Variants in NALCN observed in about 807,000 individuals in gnomAD.
NALCN encodes sodium leak channel NALCN.
In NALCN, 111 loss-of-function variants were observed where a neutral mutation model predicts 225.3. That is an observed-to-expected ratio of 0.49 (90% CI 0.42 to 0.58). The LOEUF (loss-of-function observed/expected upper bound fraction) is 0.58, where lower values mean the gene tolerates loss of function less well. Ranked by LOEUF, NALCN falls within the 20% of genes least tolerant of loss-of-function variation. The pLI, the probability that NALCN is intolerant of heterozygous loss-of-function variation, is 0.00. For synonymous variants in NALCN, 764 were observed against 769.0 expected (o/e 0.99, Z 0.11); for missense variants, 1,378 against 2,202.4 (o/e 0.63, Z 7.49).
At chr13:101,204,819 T>C (rs550295589) in intron 13 of NALCN, among the ~76,000 whole-genome samples, 11 of 152,252 alleles carry the variant, frequency 7.2e-5, no homozygotes, top group African/African-American at 2.6e-4. Flanking sequence ...GCAGCTAAGA[T>C]GAAATGATAT....
intron 13 of NALCN, among the ~76,000 whole-genome samples, chr13:101,224,832 C>T (rs1304437155): frequency 6.6e-6 from 1 of 152,152 alleles, no homozygotes; most frequent in Non-Finnish European, 1.5e-5. Context: ...CCTTTTACAA[C>T]AAGCCTCACT....
intron 6 of NALCN, among the ~76,000 whole-genome samples, chr13:101,346,527 C>T (rs1037724815): frequency 6.6e-6 from 1 of 151,986 alleles, no homozygotes; most frequent in Admixed American, 6.6e-5. Flanking sequence ...TAGAAATAAC[C>T]AGACAAATAA....
chr13:101,330,899 C>G (rs529199333), intron 7 of NALCN, among the ~76,000 whole-genome samples: 93 of 152,316 alleles, frequency 6.1e-4, no homozygotes, highest in African/African-American at 2.1e-3. Flanking sequence ...GTAAGACATA[C>G]CTTTACTTCT....
intron 42 of NALCN, 102 bp downstream of exon 42, chr13:101,059,716 C>T: frequency 9.4e-6 from 9 of 959,806 alleles, no homozygotes; most frequent in South Asian, 2.8e-5. Context: ...GAAATATTGT[C>T]ACCTTGTTTG....
chr13:101,382,740 T>C (rs1186988885), intron 3 of NALCN, among the ~76,000 whole-genome samples: 1 of 152,200 alleles, frequency 6.6e-6, no homozygotes, highest in African/African-American at 2.4e-5. Context: ...TTAGCAAAAA[T>C]TCTACCATGT....
At chr13:101,401,775 G>A (rs1050960997) in intron 1 of NALCN, among the ~76,000 whole-genome samples, 3 of 152,116 alleles carry the variant, frequency 2.0e-5, no homozygotes, top group African/African-American at 7.2e-5. Flanking sequence ...CAGTGCCCAA[G>A]AAATGATCTA....
chr13:101,144,425 T>C (rs2037243046), intron 16 of NALCN, among the ~76,000 whole-genome samples: 2 of 152,210 alleles, frequency 1.3e-5, no homozygotes, highest in Admixed American at 1.3e-4. Context: ...GAGATTGATG[T>C]CTACCTGCCA....
chr13:101,153,203 C>A (rs778356869), intron 15 of NALCN, among the ~76,000 whole-genome samples: 6 of 152,170 alleles, frequency 3.9e-5, no homozygotes, highest in Non-Finnish European at 7.4e-5. Flanking sequence ...AAATGAGGAT[C>A]TTTAGTCTTT....
At chr13:101,284,046 C>A in intron 9 of NALCN, 27 bp from the exon 10 acceptor site, 2 of 1,597,470 alleles carry the variant, frequency 1.3e-6, no homozygotes, top group South Asian at 2.2e-5. Flanking sequence ...GGAGATGAGT[C>A]AGAGACATTT....
intron 17 of NALCN, among the ~76,000 whole-genome samples, chr13:101,137,329 C>T (rs957969783): frequency 1.6e-4 from 24 of 152,042 alleles, no homozygotes; most frequent in Non-Finnish European, 3.1e-4. Flanking sequence ...AGACCAAAAG[C>T]CCTAAAAATG....
At chr13:101,124,818 TC>T (rs1183947292) in intron 17 of NALCN, 137 bp from the exon 18 acceptor site, 4 of 818,670 alleles carry the variant, frequency 4.9e-6, no homozygotes, top group Non-Finnish European at 7.7e-6. Flanking sequence ...AATTGACAAT[TC>T]TTGTCTATTT....
Position 101,124,645 on chromosome 13 carries a change from G to A in NALCN, c.2155C>T (p.Leu719Phe), listed in dbSNP as rs369811330. ...KSVFSIRARN[L>F]LEKETAVTKI... ...GTGACTGCGGTCTCCTTTTCCAGAA[G>A]GTTCCTTGCCCTGATGCTGAAAACA... Residue 719 changes from leucine (L) to phenylalanine (F), a missense_variant, in exon 18 of 44, where the codon CTT becomes TTT. Transcript: ENST00000251127. 1.9e-6 allele frequency: 3 copies of A among 1,614,008 alleles called. No individual in the cohort carries two copies. The highest frequency in any genetic ancestry group is 2.5e-6 in the Non-Finnish European group (3 of 1,179,964).
At chr13:101,236,384 AC>A (rs1342243089) in intron 12 of NALCN, among the ~76,000 whole-genome samples, 1 of 152,122 alleles carries the variant, frequency 6.6e-6, no homozygotes, top group Non-Finnish European at 1.5e-5. Flanking sequence ...AACTAGAAAT[AC>A]CATTTGACCC....
Position 101,100,761 on chromosome 13 carries a change from A to G in NALCN, c.3162+23T>C, listed in dbSNP as rs1427554275. 3 of 1,576,538 alleles carry G rather than the reference A, an allele frequency of 1.9e-6. No individual in the cohort carries two copies. The African/African-American group carries it at 4.1e-5, about 22-fold the overall frequency. On this transcript the variant is annotated intron_variant, in intron 27 of 43. Coordinates refer to ENST00000251127, the MANE Select transcript of NALCN (RefSeq NM_052867.4). ...CACTTGGCCCTTAATTTTTATTTCAAAAGACAGAAAGATACATCTTACCCT... is the reference window on the plus strand; with the variant it reads ...CACTTGGCCCTTAATTTTTATTTCAGAAGACAGAAAGATACATCTTACCCT...
At chr13:101,070,975 G>A (rs1418720499) in intron 37 of NALCN, among the ~76,000 whole-genome samples, 1 of 152,200 alleles carries the variant, frequency 6.6e-6, no homozygotes, top group Admixed American at 6.5e-5. Flanking sequence ...AGCAAGAAGT[G>A]CCAAGAAAAT....
At chr13:101,251,897 C>T (rs1344755063) in intron 11 of NALCN, among the ~76,000 whole-genome samples, 2 of 152,154 alleles carry the variant, frequency 1.3e-5, no homozygotes, top group Non-Finnish European at 2.9e-5. Flanking sequence ...TCCGACAAGA[C>T]AACTTAATAC....
At chr13:101,377,656 G>A (rs1481955332) in intron 4 of NALCN, among the ~76,000 whole-genome samples, 1 of 152,026 alleles carries the variant, frequency 6.6e-6, no homozygotes, top group African/African-American at 2.4e-5. Flanking sequence ...ATGATGAGTT[G>A]GCAGAATGGG....
intron 10 of NALCN, among the ~76,000 whole-genome samples, chr13:101,279,825 AAT>A (rs755048585): frequency 0.25 from 33,346 of 130,806 alleles, 4,731 homozygotes; most frequent in South Asian, 0.32. Flanking sequence ...TCAAAAAATA[AAT>A]AAATAAATAA....
intron 11 of NALCN, among the ~76,000 whole-genome samples, chr13:101,251,661 A>G (rs2042066956): frequency 6.6e-6 from 1 of 152,202 alleles, no homozygotes; most frequent in Admixed American, 6.5e-5. Context: ...CCATAGAAAA[A>G]GAATCCTGCA....
Sources: gnomAD v4.1 joint callset for allele counts (sites outside exome capture counted in the v4.1 genomes callset) on GRCh38, gnomAD v4.1.1 for gene constraint, MANE v1.5 for transcripts, NCBI Gene and HGNC (gene_info 2026-07-23, HGNC 2026-07-21) for gene names.